The following TG variants were observed in gnomAD, a reference collection of about 807,000 sequenced individuals.
TG encodes thyroid hormones.
Under a neutral mutation model 324.7 loss-of-function variants are expected in TG, and 270 were observed. The observed-to-expected ratio is 0.83, with a 90% CI of 0.75 to 0.92. TG has a LOEUF of 0.92. Ranked by LOEUF, TG falls within the 40% of genes least tolerant of loss-of-function variation. The pLI is 0.00. For synonymous variants in TG, 1,401 were observed against 1,327.0 expected, an observed-to-expected ratio of 1.06 and a Z score of -1.21; for missense variants, 3,591 against 3,456.4, an observed-to-expected ratio of 1.04 and a Z score of -0.98.
chr8:132,899,093 T>A lies in TG; in HGVS notation c.3330+183T>A, dbSNP rs1817557831. 1.5e-5 allele frequency: 10 copies of A among 650,426 alleles called. 1 individual carries two copies. In the Middle Eastern group the frequency reaches 1.9e-3, roughly 125 times the overall value. The allele number at this position is 650,426 out of a possible 1,614,324, so 40.3% of individuals were successfully genotyped here. ...TTGGGCTATTTACTTACCTTTTCTG[T>A]GTCCCAGTTTGTTTTGTTTAATCAT... On this transcript the variant is annotated intron_variant, in intron 14 of 47. Coordinates refer to ENST00000220616, the MANE Select transcript of TG (RefSeq NM_003235.5).
intron 5 of TG, among the ~76,000 whole-genome samples, chr8:132,879,556 G>A (rs990896549): frequency 6.6e-6 from 1 of 152,214 alleles, no homozygotes; most frequent in Non-Finnish European, 1.5e-5. Context: ...AATCATATTA[G>A]CTCTTCTCAC....
At chr8:133,083,028 A>G (rs1031439836) in intron 41 of TG, among the ~76,000 whole-genome samples, 2 of 152,198 alleles carry the variant, frequency 1.3e-5, no homozygotes, top group African/African-American at 2.4e-5. Flanking sequence ...TGGGGCAGAC[A>G]TGGAGGGAGA....
At position 133,095,058 on chromosome 8, in the gene TG, C is replaced by T; in HGVS notation, c.7254C>T (p.Leu2418=). Residue 2418 remains leucine (L), a synonymous_variant, in exon 42 of 48, where the codon CTC becomes CTT. Coordinates refer to ENST00000220616, the MANE Select transcript of TG (RefSeq NM_003235.5). ...TTCTCTTCCAGGGAGGCTCCGCACTCTCCCCGGCCGCCGTCATCAGCCATG... is the reference window on the plus strand; with the variant it reads ...TTCTCTTCCAGGGAGGCTCCGCACTTTCCCCGGCCGCCGTCATCAGCCATG... The part of the protein sequence containing the change: ...RRAVLMGGSA[L]SPAAVISHER... 6.2e-7 allele frequency: 1 copy of T among 1,613,802 alleles called. No homozygotes were observed. Among genetic ancestry groups the T allele is most frequent in the Non-Finnish European group, 8.5e-7 (1 of 1,180,036 alleles).
chr8:132,899,552 CAGTACTAAGCAA>C (rs1467973456), intron 14 of TG, among the ~76,000 whole-genome samples: 2 of 152,206 alleles, frequency 1.3e-5, no homozygotes, highest in Non-Finnish European at 2.9e-5. Flanking sequence ...TGAAACTGTA[CAGTACTAAGCAA>C]AAGTTTCCTT....
chr8:132,904,871 T>C (rs1002236540), intron 16 of TG, among the ~76,000 whole-genome samples: 1 of 152,198 alleles, frequency 6.6e-6, no homozygotes, highest in East Asian at 1.9e-4. Context: ...TTCTTACCTA[T>C]GTACACACAT....
chr8:133,030,250 G>A lies in TG; in HGVS notation c.7239+227G>A, dbSNP rs192791656. Among the ~76,000 whole-genome samples, 3 of 152,296 alleles carry A rather than the reference G, an allele frequency of 2.0e-5. No homozygotes were observed. The East Asian group carries it at 5.8e-4, about 29-fold the overall frequency. ...TCTGAAGTGCTAAAAATTTTAGATG[G>A]TGAAGTGTTTCTATTTCCTGAGAGT... is the stretch of plus-strand genomic sequence containing the variant. On this transcript the variant is annotated intron_variant, in intron 41 of 47. Coordinates refer to ENST00000220616, the MANE Select transcript of TG (RefSeq NM_003235.5).
chr8:133,099,208 C>T (rs373938856), intron 43 of TG, among the ~76,000 whole-genome samples: 9 of 152,344 alleles, frequency 5.9e-5, no homozygotes, highest in South Asian at 2.1e-4. Flanking sequence ...TGCTCCATGG[C>T]GGTCATCCCA....
In TG at chr8:133,131,886, TGGA is replaced by T. The variant is rs750766700; in HGVS notation, c.7942_7944del (p.Glu2648del). 1 of 1,614,224 alleles carries T rather than the reference TGGA, an allele frequency of 6.2e-7. No individual in the cohort carries two copies. The highest frequency in any genetic ancestry group is 1.3e-5 in the African/African-American group (1 of 75,068). On this transcript the variant is annotated inframe_deletion, in exon 46 of 48. Coordinates refer to ENST00000220616, the MANE Select transcript of TG (RefSeq NM_003235.5). ...CCAGCCTACGAGGGGCAGTTTTCTC[TGGA>T]GGAGAAGAGCCTGTCGCTGAAAATC...
chr8:133,051,083 T>C (rs573603092), intron 41 of TG, among the ~76,000 whole-genome samples: 1 of 152,352 alleles, frequency 6.6e-6, no homozygotes, highest in South Asian at 2.1e-4. Context: ...GAGATGGCTC[T>C]GCAGGGTGTG....
chr8:133,004,365 G>T (rs1833836096), intron 35 of TG, among the ~76,000 whole-genome samples: 1 of 152,214 alleles, frequency 6.6e-6, no homozygotes, highest in African/African-American at 2.4e-5. Flanking sequence ...TAGCACAGCA[G>T]AAGAAAAGCA....
chr8:132,882,866 C>G lies in TG; in HGVS notation c.942C>G (p.Pro314=). The G allele has an allele frequency of 6.2e-7, 1 of 1,614,202 alleles. No homozygotes were observed. The highest frequency in any genetic ancestry group is 1.7e-5 in the Admixed American group (1 of 60,028). The change falls in exon 8 of 48, where the codon CCC becomes CCG. Residue 314 remains proline, a synonymous_variant. Transcript: ENST00000220616. ...TTACAGCAACCAGCTTTGGTCACCC[C>G]TATGTTCCAAGCTGCCGCCGAAATG... The part of the protein sequence containing the change: ...ERFTATSFGH[P]YVPSCRRNGD...
In TG at chr8:133,067,945, GAGAA is replaced by G. The variant is rs1376458572; in HGVS notation, c.7240-27090_7240-27087del. ...AGAGAGAGAGAGAAAGAAAGAAAGA[GAGAA>G]AGAAAGAAGGAAAAGAAAGAAGGAT... On this transcript the variant is annotated intron_variant, in intron 41 of 47. Transcript: ENST00000220616. 7.3e-5 allele frequency among the ~76,000 whole-genome samples: 11 copies of G among 151,488 alleles called. 1 individual carries two copies. In the East Asian group the frequency reaches 1.9e-3, roughly 27 times the overall value.
In TG at chr8:132,919,525, T is replaced by C; in HGVS notation, c.4528T>C (p.Cys1510Arg). ...TGCTGGAGCTTTCAGCCAGACTCACTGTAAGTTCTGTGGAGTGCTTCTTTG... is the reference window on the plus strand; with the variant it reads ...TGCTGGAGCTTTCAGCCAGACTCACCGTAAGTTCTGTGGAGTGCTTCTTTG... ...ISAGAFSQTH[C>R]VTDCQRNEAG... The change falls in exon 21 of 48, where the codon TGT (cysteine) becomes CGT (arginine). Residue 1510 changes from cysteine (C) to arginine (R), a missense_variant and splice_region_variant. Coordinates refer to ENST00000220616, the MANE Select transcript of TG (RefSeq NM_003235.5). 1 of 1,613,834 alleles carries C rather than the reference T, an allele frequency of 6.2e-7. No individual in the cohort carries two copies.
chr8:133,092,363 TA>T (rs975652135), intron 41 of TG, among the ~76,000 whole-genome samples: 12 of 152,118 alleles, frequency 7.9e-5, no homozygotes, highest in Admixed American at 7.2e-4. Flanking sequence ...TTTTTAAAGT[TA>T]AAAAAACAAC....
intron 45 of TG, among the ~76,000 whole-genome samples, chr8:133,124,828 G>A (rs2979048): frequency 0.77 from 116,483 of 152,196 alleles, 45,638 homozygotes; most frequent in African/African-American, 0.91. Flanking sequence ...CTACACTTGC[G>A]TTCTAGACAC....
intron 34 of TG, among the ~76,000 whole-genome samples, chr8:132,975,113 A>G (rs1430948713): frequency 6.6e-6 from 1 of 152,148 alleles, no homozygotes; most frequent in Non-Finnish European, 1.5e-5. Flanking sequence ...AGAGGAAGGG[A>G]GAAAATACCT....
Position 133,060,247 on chromosome 8 carries a change from C to T in TG, c.7239+30224C>T, listed in dbSNP as rs1186702013. On this transcript the variant is annotated intron_variant, in intron 41 of 47. Coordinates refer to ENST00000220616, the MANE Select transcript of TG (RefSeq NM_003235.5). ...GGGAAAGTCAACCGTGCCCTGAGCCCTCCAAGTGGAGAATGACCCAGTTTA... is the reference window on the plus strand; with the variant it reads ...GGGAAAGTCAACCGTGCCCTGAGCCTTCCAAGTGGAGAATGACCCAGTTTA... The T allele has an allele frequency of 2.8e-5, 45 of 1,611,836 alleles. No individual in the cohort carries two copies. Among genetic ancestry groups the T allele is most frequent in the Non-Finnish European group, 3.8e-5 (45 of 1,179,030 alleles).
At chr8:133,109,770 G>A (rs1417128446) in intron 43 of TG, among the ~76,000 whole-genome samples, 2 of 152,120 alleles carry the variant, frequency 1.3e-5, no homozygotes, top group Non-Finnish European at 2.9e-5. Flanking sequence ...TGCTGACCTC[G>A]GCTACTCCCT....
intron 35 of TG, among the ~76,000 whole-genome samples, chr8:133,011,234 G>A (rs1834478698): frequency 6.6e-6 from 1 of 152,160 alleles, no homozygotes; most frequent in Non-Finnish European, 1.5e-5. Flanking sequence ...TGAGGCTGGG[G>A]GTACGAACCT....
Sources: allele counts gnomAD v4.1 joint callset (sites outside exome capture counted in the v4.1 genomes callset), GRCh38; gene constraint gnomAD v4.1.1; transcripts MANE v1.5; gene names NCBI Gene and HGNC (gene_info 2026-07-23, HGNC 2026-07-21).